Variants in UBAC2 observed in about 807,000 individuals in gnomAD.
UBAC2 encodes UBA domain containing 2, also known as ubiquitin-associated domain-containing protein 2.
UBAC2 carries 26 observed loss-of-function variants against 44.0 expected under a neutral mutation model. The ratio of observed to expected loss-of-function variants is 0.59; its 90% CI spans 0.43 to 0.82. The LOEUF is 0.82. UBAC2 is among the 40% of genes least tolerant of loss of function. The pLI is 0.00. For missense variants in UBAC2, 329 were observed against 419.4 expected (o/e 0.78, Z 1.88); for synonymous variants, 155 against 154.3 (o/e 1.00, Z -0.04).
intron 4 of UBAC2, among the ~76,000 whole-genome samples, chr13:99,279,195 C>T (rs972465728): frequency 6.6e-6 from 1 of 152,072 alleles, no homozygotes; most frequent in Non-Finnish European, 1.5e-5. Context: ...CACTCCTCTT[C>T]CCCTCCCAAC....
intron 1 of UBAC2, among the ~76,000 whole-genome samples, chr13:99,223,470 T>G (rs1431001906): frequency 6.6e-6 from 1 of 151,918 alleles, no homozygotes; most frequent in Non-Finnish European, 1.5e-5. Context: ...TCCATTTCAT[T>G]GATTTCTACT....
chr13:99,355,364 C>G (rs2045162084), intron 7 of UBAC2, among the ~76,000 whole-genome samples: 1 of 152,226 alleles, frequency 6.6e-6, no homozygotes, highest in African/African-American at 2.4e-5. Flanking sequence ...TTCAAGGCCA[C>G]TGTCTCAGTC....
chr13:99,213,433 T>C (rs978963481), intron 1 of UBAC2, among the ~76,000 whole-genome samples: 5 of 151,898 alleles, frequency 3.3e-5, no homozygotes, highest in African/African-American at 7.3e-5. Context: ...TGATCTCGGC[T>C]TACTGCAACT....
intron 4 of UBAC2, among the ~76,000 whole-genome samples, chr13:99,261,227 C>T (rs1324391146): frequency 6.6e-6 from 1 of 152,184 alleles, no homozygotes; most frequent in Non-Finnish European, 1.5e-5. Flanking sequence ...CAGCCAGTCC[C>T]CAGGGAGAAG....
At chr13:99,210,634 C>T (rs1052530658) in intron 1 of UBAC2, among the ~76,000 whole-genome samples, 2 of 151,960 alleles carry the variant, frequency 1.3e-5, no homozygotes, top group African/African-American at 2.4e-5. Context: ...TGCACCACCA[C>T]GTCCGGCTAA....
chr13:99,217,596 T>C (rs1222859634), intron 1 of UBAC2, among the ~76,000 whole-genome samples: 1 of 152,212 alleles, frequency 6.6e-6, no homozygotes, highest in Non-Finnish European at 1.5e-5. Flanking sequence ...TGGGGCCAGC[T>C]GTTACCCGCG....
At chr13:99,329,207 C>G (rs374000246) in intron 6 of UBAC2, among the ~76,000 whole-genome samples, 3 of 152,192 alleles carry the variant, frequency 2.0e-5, no homozygotes, top group South Asian at 4.1e-4. Context: ...TATGGTAAGT[C>G]TTGCAATCAG....
At chr13:99,266,478 A>G (rs2043745696) in intron 4 of UBAC2, among the ~76,000 whole-genome samples, 1 of 152,176 alleles carries the variant, frequency 6.6e-6, no homozygotes, top group South Asian at 2.1e-4. Flanking sequence ...AGGTTGGACA[A>G]GCTTACTCTA....
intron 1 of UBAC2, among the ~76,000 whole-genome samples, chr13:99,217,565 A>T (rs1453859143): frequency 6.6e-6 from 1 of 152,074 alleles, no homozygotes; most frequent in African/African-American, 2.4e-5. Context: ...GGGTCCTTGA[A>T]CACAGGGAGG....
intron 4 of UBAC2, among the ~76,000 whole-genome samples, chr13:99,247,660 G>A (rs186536435): frequency 1.3e-5 from 2 of 152,112 alleles, no homozygotes; most frequent in East Asian, 3.9e-4. Flanking sequence ...CTAGATGATG[G>A]GTCGATACGT....
intron 7 of UBAC2, among the ~76,000 whole-genome samples, chr13:99,358,522 T>C (rs1332952058): frequency 1.3e-5 from 2 of 152,248 alleles, no homozygotes; most frequent in East Asian, 1.9e-4. Context: ...ATTTCAAAAA[T>C]CTATATTTAT....
chr13:99,345,729 C>CT (rs1321405204), intron 7 of UBAC2, among the ~76,000 whole-genome samples: 4 of 141,782 alleles, frequency 2.8e-5, no homozygotes, highest in African/African-American at 9.9e-5. Context: ...GGTACTGTTT[C>CT]TTTTTTTCTT....
chr13:99,247,873 C>CTTT (rs10630757), intron 4 of UBAC2, among the ~76,000 whole-genome samples: 21,793 of 148,722 alleles, frequency 0.15, 1,809 homozygotes, highest in Middle Eastern at 0.21. Flanking sequence ...CTCTCTCTCT[C>CTTT]TTTTTTTTTT....
intron 4 of UBAC2, among the ~76,000 whole-genome samples, chr13:99,283,766 G>C (rs1246956445): frequency 1.0e-5 from 1 of 96,052 alleles, no homozygotes; most frequent in Non-Finnish European, 1.9e-5. Context: ...ACTGAGTCTT[G>C]CTCTTTTACC....
At chr13:99,364,238 T>C (rs1362213749) in intron 7 of UBAC2, among the ~76,000 whole-genome samples, 1 of 151,820 alleles carries the variant, frequency 6.6e-6, no homozygotes, top group Non-Finnish European at 1.5e-5. Context: ...TATTGAATTT[T>C]GTCAAATTGT....
intron 5 of UBAC2, among the ~76,000 whole-genome samples, chr13:99,315,262 T>G (rs1002769304): frequency 1.3e-5 from 2 of 152,196 alleles, no homozygotes; most frequent in African/African-American, 2.4e-5. Flanking sequence ...TTGATTCTTA[T>G]GAGTAGGATT....
chr13:99,284,018 C>G (rs1227077378), intron 4 of UBAC2, among the ~76,000 whole-genome samples: 1 of 152,172 alleles, frequency 6.6e-6, no homozygotes, highest in Non-Finnish European at 1.5e-5. Flanking sequence ...CAGGCGTGAG[C>G]CACCACGCCT....
At chr13:99,359,943 G>A (rs1481228011) in intron 7 of UBAC2, among the ~76,000 whole-genome samples, 1 of 152,216 alleles carries the variant, frequency 6.6e-6, no homozygotes, top group African/African-American at 2.4e-5. Flanking sequence ...AACCTGGCAT[G>A]CTGATAAAGG....
chr13:99,349,649 A>C (rs1271405523), intron 7 of UBAC2, among the ~76,000 whole-genome samples: 2 of 152,226 alleles, frequency 1.3e-5, no homozygotes, highest in Non-Finnish European at 2.9e-5. Flanking sequence ...GAGAGAAGGC[A>C]CCATACGTCA....
Sources: allele counts gnomAD v4.1 joint callset (sites outside exome capture counted in the v4.1 genomes callset), GRCh38; gene constraint gnomAD v4.1.1; transcripts MANE v1.5; gene names NCBI Gene and HGNC (gene_info 2026-07-23, HGNC 2026-07-21).